Variants in EPHX1 observed in about 807,000 individuals in gnomAD.
EPHX1 encodes the protein epoxide hydratase.
In EPHX1, 40 loss-of-function variants were observed where a neutral mutation model predicts 43.2. That is an observed-to-expected ratio of 0.93 (90% CI 0.72 to 1.21). EPHX1 has a LOEUF of 1.21. EPHX1 is among the 50% of genes most tolerant of loss of function. The pLI, the probability that EPHX1 is intolerant of heterozygous loss-of-function variation, is 0.00. For missense variants in EPHX1, 550 were observed against 570.4 expected, an observed-to-expected ratio of 0.96 and a Z score of 0.36; for synonymous variants, 221 against 226.7, an observed-to-expected ratio of 0.98 and a Z score of 0.22.
chr1:225,825,193 C>T (rs1452821246), intron 1 of EPHX1, among the ~76,000 whole-genome samples: 2 of 152,140 alleles, frequency 1.3e-5, no homozygotes, highest in African/African-American at 4.8e-5. Context: ...TCATTTCAGC[C>T]CTGTATCTCT....
chr1:225,814,844 G>T (rs1038596895), intron 1 of EPHX1, among the ~76,000 whole-genome samples: 1 of 152,250 alleles, frequency 6.6e-6, no homozygotes, highest in African/African-American at 2.4e-5. Context: ...CTTTCTGCTA[G>T]AACTGGTGAG....
rs1242247450 is a variant in EPHX1, at chr1:225,812,919, C to A, written c.-6+2750C>A. ...CTAGGGCCATAAATCCCATCAACAG[C>A]AATTCATTCCTTTGAGAGGTAATAC... On this transcript the variant is annotated intron_variant, in intron 1 of 8. Coordinates refer to ENST00000272167, the MANE Select transcript of EPHX1 (RefSeq NM_001136018.4). Among the ~76,000 whole-genome samples the A allele has an allele frequency of 2.6e-5, 4 of 152,142 alleles. No individual in the cohort carries two copies. In the East Asian group the frequency reaches 7.7e-4, roughly 29 times the overall value.
At chr1:225,816,675 C>A (rs1666737860) in intron 1 of EPHX1, among the ~76,000 whole-genome samples, 1 of 152,202 alleles carries the variant, frequency 6.6e-6, no homozygotes, top group South Asian at 2.1e-4. Context: ...ACCCGCGTGG[C>A]CTTCCCCTTC....
At chr1:225,833,765 A>T (rs1044468646) in intron 3 of EPHX1, among the ~76,000 whole-genome samples, 3 of 144,764 alleles carry the variant, frequency 2.1e-5, no homozygotes, top group Non-Finnish European at 4.5e-5. Context: ...ACTGCACTCC[A>T]GCCTGGGCGA....
In EPHX1 at chr1:225,831,503, C is replaced by T. The variant is rs1053570334; in HGVS notation, c.184-276C>T. On this transcript the variant is annotated intron_variant, in intron 2 of 8. Coordinates refer to ENST00000272167, the MANE Select transcript of EPHX1 (RefSeq NM_001136018.4). ...TGGGGGTTGCAGTGGGCCGAGATCA[C>T]GCCACTGCCCTCCAGCCTGGGCAAC... Among the ~76,000 whole-genome samples, 11 of 151,098 alleles carry T rather than the reference C, an allele frequency of 7.3e-5. No homozygotes were observed. The East Asian group carries it at 7.8e-4, about 11-fold the overall frequency.
chr1:225,845,006 C>A, intron 8 of EPHX1, 140 bp from the exon 9 acceptor site: 1 of 947,496 alleles, frequency 1.1e-6, no homozygotes. Context: ...GCGGTTGAGA[C>A]CCTGGATTTG....
intron 1 of EPHX1, among the ~76,000 whole-genome samples, chr1:225,812,383 C>T (rs975973456): frequency 2.0e-5 from 3 of 152,218 alleles, no homozygotes; most frequent in African/African-American, 7.2e-5. Flanking sequence ...CACTAGCTGG[C>T]ATGGACTTAC....
chr1:225,812,116 T>C (rs772520107), intron 1 of EPHX1, among the ~76,000 whole-genome samples: 1 of 152,098 alleles, frequency 6.6e-6, no homozygotes, highest in African/African-American at 2.4e-5. Context: ...TGTGCCCAGC[T>C]TGAATGGCCT....
rs1267395065 is a variant in EPHX1, at chr1:225,842,377, A to C, written c.943A>C (p.Asn315His). Residue 315 changes from asparagine to histidine, a missense_variant, in exon 7 of 9, where the codon AAT becomes CAT. Coordinates refer to ENST00000272167, the MANE Select transcript of EPHX1 (RefSeq NM_001136018.4). ...TKPDTVGSAL[N>H]DSPVGLAAYI... ...CCGCTCCCCGCCAGGCTCTGCTCTG[A>C]ATGACTCTCCTGTGGGTCTGGCTGC... is the stretch of plus-strand genomic sequence containing the variant. 1.2e-6 allele frequency: 2 copies of C among 1,612,972 alleles called. No homozygotes were observed. Among genetic ancestry groups the C allele is most frequent in the Non-Finnish European group, 1.7e-6 (2 of 1,178,932 alleles).
chr1:225,833,880 A>T (rs112653426), intron 3 of EPHX1, among the ~76,000 whole-genome samples: 3 of 150,318 alleles, frequency 2.0e-5, no homozygotes, highest in East Asian at 2.0e-4. Flanking sequence ...GGCAGATCAC[A>T]AGGTCAGGAG....
At chr1:225,813,538 G>A (rs563695732) in intron 1 of EPHX1, among the ~76,000 whole-genome samples, 5 of 152,334 alleles carry the variant, frequency 3.3e-5, no homozygotes, top group South Asian at 2.1e-4. Context: ...AGAAAACTGC[G>A]CAATCCAATC....
Position 225,839,291 on chromosome 1 carries a change from C to G in EPHX1, c.667C>G (p.Gln223Glu). 1 of 1,613,938 alleles carries G rather than the reference C, an allele frequency of 6.2e-7. No individual in the cohort carries two copies. Among genetic ancestry groups the G allele is most frequent in the Non-Finnish European group, 8.5e-7 (1 of 1,179,998 alleles). The change falls in exon 5 of 9, where the codon CAA (glutamine) becomes GAA (glutamate). Residue 223 changes from glutamine (Q) to glutamate (E), a missense_variant. Gln to Glu is a conservative substitution (Grantham distance 29). Transcript: ENST00000272167. ...LRLGFQEFYIQGGDWGSLICT... is the reference protein window; with the variant it reads ...LRLGFQEFYIEGGDWGSLICT... ...GCTGGGCTTCCAGGAATTCTACATT[C>G]AAGGAGGGGACTGGGGGTCCCTGAT...
chr1:225,835,930 G>A (rs1433931549), intron 3 of EPHX1, among the ~76,000 whole-genome samples: 2 of 152,074 alleles, frequency 1.3e-5, no homozygotes, highest in African/African-American at 4.8e-5. Context: ...ATTCATCGTG[G>A]ACTTACCCAT....
Position 225,842,339 on chromosome 1 carries a change from TCTCCCTTG to T in EPHX1, c.932-21_932-14del. 1 of 1,515,660 alleles carries T rather than the reference TCTCCCTTG, an allele frequency of 6.6e-7. No individual in the cohort carries two copies. Among genetic ancestry groups the T allele is most frequent in the South Asian group, 1.1e-5 (1 of 89,064 alleles). The allele number at this position is 1,515,660 out of a possible 1,614,324, so 93.9% of individuals were successfully genotyped here. A position where few individuals can be genotyped will look rare whatever the true frequency, so the allele number is the denominator to read the frequency against. On this transcript the variant is annotated intron_variant, in intron 6 of 8. Transcript: ENST00000272167. ...GCTCTCTGGTCCCCAGGCCTGAGTC[TCTCCCTTG>T]CTCCCCGCTCCCCGCCAGGCTCTGC...
intron 1 of EPHX1, among the ~76,000 whole-genome samples, chr1:225,811,958 T>C (rs540776551): frequency 2.0e-3 from 304 of 152,160 alleles, no homozygotes; most frequent in African/African-American, 6.9e-3. Context: ...ATGTGTAATA[T>C]GGAGATAAAT....
chr1:225,826,306 A>G (rs1667230472), intron 1 of EPHX1, among the ~76,000 whole-genome samples: 1 of 152,130 alleles, frequency 6.6e-6, no homozygotes, highest in African/African-American at 2.4e-5. Context: ...TTTACTAAAA[A>G]TACAAAAATT....
chr1:225,840,563 A>G (rs717759), intron 6 of EPHX1, among the ~76,000 whole-genome samples: 6,755 of 152,328 alleles, frequency 0.044, 169 homozygotes, highest in Middle Eastern at 0.071. Flanking sequence ...AAATAAGAAC[A>G]CTGAAATTAA....
chr1:225,842,477 G>A lies in EPHX1; in HGVS notation c.1040+3G>A. 1 of 1,606,492 alleles carries A rather than the reference G, an allele frequency of 6.2e-7. No homozygotes were observed. The highest frequency in any genetic ancestry group is 8.5e-7 in the Non-Finnish European group (1 of 1,172,984). Reference sequence around the variant, plus strand: ...CTGGAGGATGGAGGCCTGGAAAGGTGAGGCCCTGGTTTGCCCCTGCAGTCA... The same window carrying A: ...CTGGAGGATGGAGGCCTGGAAAGGTAAGGCCCTGGTTTGCCCCTGCAGTCA... On this transcript the variant is annotated splice_donor_region_variant and intron_variant, in intron 7 of 8. Transcript: ENST00000272167.
Position 225,817,827 on chromosome 1 carries a change from G to T in EPHX1, c.-6+7658G>T, listed in dbSNP as rs1164878506. Among the ~76,000 whole-genome samples, 1 of 152,254 alleles carries T rather than the reference G, an allele frequency of 6.6e-6. No individual in the cohort carries two copies. Among genetic ancestry groups the T allele is most frequent in the East Asian group, 1.9e-4 (1 of 5,196 alleles). ...CTGCCCTGCAATGCACTTAGCCAAGGCCGGGCACATGGCAAGTGCTGAGTC... is the reference window on the plus strand; with the variant it reads ...CTGCCCTGCAATGCACTTAGCCAAGTCCGGGCACATGGCAAGTGCTGAGTC... On this transcript the variant is annotated intron_variant, in intron 1 of 8. Transcript: ENST00000272167. The surrounding 1 kb of genome is among the most constrained non-coding windows in gnomAD (Gnocchi z 5.7).
Sources: gnomAD v4.1 joint callset for allele counts (sites outside exome capture counted in the v4.1 genomes callset) on GRCh38, gnomAD v4.1.1 for gene constraint, Gnocchi (gnomAD v3.1) non-coding constraint, MANE v1.5 for transcripts, NCBI Gene and HGNC (gene_info 2026-07-23, HGNC 2026-07-21) for gene names.